The following ERCC5 variants were observed in gnomAD, a reference collection of about 807,000 sequenced individuals.
The protein encoded by ERCC5 is DNA excision repair protein ERCC-5.
A neutral mutation model predicts 105.6 loss-of-function variants in ERCC5; 68 were observed. The ratio of observed to expected loss-of-function variants is 0.64; its 90% CI spans 0.53 to 0.79. The LOEUF is 0.79. Ranked by LOEUF, ERCC5 falls within the 30% of genes least tolerant of loss-of-function variation. The probability of loss-of-function intolerance (pLI) is 0.00; values close to 1 mark genes in which losing one functional copy is unlikely to be tolerated. For missense variants in ERCC5, 1,373 were observed against 1,426.7 expected, an observed-to-expected ratio of 0.96 and a Z score of 0.61; for synonymous variants, 546 against 526.2, an observed-to-expected ratio of 1.04 and a Z score of -0.51.
chr13:102,861,919 G>T (rs1158429040), intron 7 of ERCC5, 111 bp from the exon 8 acceptor site: 2 of 1,477,446 alleles, frequency 1.4e-6, no homozygotes, highest in African/African-American at 1.4e-5. Context: ...CCGATTAAAT[G>T]AAAATGTATA....
chr13:102,850,221 C>T (rs1882154812), intron 1 of ERCC5, among the ~76,000 whole-genome samples: 1 of 152,200 alleles, frequency 6.6e-6, no homozygotes, highest in Non-Finnish European at 1.5e-5. Context: ...CTACCGCACT[C>T]GGCCTCAATA....
chr13:102,871,506 A>G (rs1158695161), intron 12 of ERCC5, among the ~76,000 whole-genome samples: 1 of 152,192 alleles, frequency 6.6e-6, no homozygotes, highest in Non-Finnish European at 1.5e-5. Context: ...TATTTTAAGT[A>G]TCTGTTTACT....
chr13:102,854,389 A>G lies in ERCC5; in HGVS notation c.467+15A>G, dbSNP rs748042541. The stretch of plus-strand genomic sequence containing the variant: ...GAAAAACACAGGTAAATGTTTAACT[A>G]TTTAAGAATATTATTTTAGTCATTG... On this transcript the variant is annotated intron_variant, in intron 4 of 14. Transcript: ENST00000652225. The G allele has an allele frequency of 1.9e-6, 3 of 1,610,398 alleles. No homozygotes were observed. Among genetic ancestry groups the G allele is most frequent in the East Asian group, 2.2e-5 (1 of 44,848 alleles).
At chr13:102,847,389 T>C (rs1386957793) in intron 1 of ERCC5, among the ~76,000 whole-genome samples, 1 of 151,386 alleles carries the variant, frequency 6.6e-6, no homozygotes, top group African/African-American at 2.4e-5. Flanking sequence ...GTCTAGGGGC[T>C]CGTGGGCTTG....
intron 1 of ERCC5, among the ~76,000 whole-genome samples, chr13:102,849,763 T>C (rs1882127943): frequency 6.6e-6 from 1 of 152,096 alleles, no homozygotes; most frequent in South Asian, 2.1e-4. Flanking sequence ...GATTATAAAC[T>C]CCATAGGGCC....
intron 8 of ERCC5, 151 bp downstream of exon 8, chr13:102,863,254 C>G: frequency 1.1e-6 from 1 of 918,230 alleles, no homozygotes. Context: ...CCCAGGGAGT[C>G]ACAGCTGGTC....
At position 102,858,321 on chromosome 13, in the gene ERCC5, A is replaced by T; in HGVS notation, c.575A>T (p.Asp192Val). Residue 192 changes from aspartate to valine, a missense_variant, in exon 6 of 15, where the codon GAC becomes GTC. Around this residue, in one of 3 missense-constraint regions of ERCC5, gnomAD observed 1,004 missense variants for 1,059.7 expected, o/e 0.95. Coordinates refer to ENST00000652225, the MANE Select transcript of ERCC5 (RefSeq NM_000123.4). The part of the protein sequence containing the change: ...NPQAIDIESE[D>V]FSSLPPEVKH... ...CAAGCGATAGATATTGAGTCTGAGG[A>T]CTTCAGCAGCCTGCCCCCTGAAGTA... 7 of 1,614,144 alleles carry T rather than the reference A, an allele frequency of 4.3e-6. No homozygotes were observed. The highest frequency in any genetic ancestry group is 4.2e-6 in the Non-Finnish European group (5 of 1,180,014).
At chr13:102,858,552 A>C in intron 6 of ERCC5, 134 bp downstream of exon 6, 144 of 1,252,330 alleles carry the variant, frequency 1.1e-4, no homozygotes, top group Non-Finnish European at 1.5e-4. Flanking sequence ...TCTACATCTC[A>C]GATTCTAAGA....
rs779363775 is a variant in ERCC5, at chr13:102,861,651, C to T, written c.817C>T (p.Leu273=). 5 of 1,613,996 alleles carry T rather than the reference C, an allele frequency of 3.1e-6. No individual in the cohort carries two copies. In the East Asian group the frequency reaches 1.1e-4, roughly 36 times the overall value. ...RRQYEDEGGF[L]KEVESRRVVS... ...GCAGTATGAAGATGAAGGGGGCTTT[C>T]TGAAGGAGGTAGAGTCAAGGAGAGT... is the stretch of plus-strand genomic sequence containing the variant. The change falls in exon 7 of 15, where the codon CTG becomes TTG. Residue 273 remains leucine (L), a synonymous_variant. Transcript: ENST00000652225.
At chr13:102,860,393 C>T (rs539560453) in intron 6 of ERCC5, among the ~76,000 whole-genome samples, 10 of 152,178 alleles carry the variant, frequency 6.6e-5, no homozygotes, top group Admixed American at 1.3e-4. Flanking sequence ...ATGACCTCAG[C>T]GTGTGATAAG....
intron 6 of ERCC5, among the ~76,000 whole-genome samples, chr13:102,860,014 T>G (rs1882563355): frequency 6.6e-6 from 1 of 152,218 alleles, no homozygotes; most frequent in Non-Finnish European, 1.5e-5. Context: ...ACGTGAATCC[T>G]CCCTTTGTCT....
chr13:102,858,084 G>T (rs968051587), intron 5 of ERCC5, among the ~76,000 whole-genome samples, 191 bp from the exon 6 acceptor site: 1 of 152,194 alleles, frequency 6.6e-6, no homozygotes, highest in Non-Finnish European at 1.5e-5. Context: ...GAATTAAAGA[G>T]TGAATGGCTA....
intron 1 of ERCC5, among the ~76,000 whole-genome samples, chr13:102,848,672 G>C (rs1465664790): frequency 2.0e-5 from 3 of 152,008 alleles, no homozygotes; most frequent in Non-Finnish European, 4.4e-5. Flanking sequence ...TAACTTTTCT[G>C]TCCGCAGAAA....
chr13:102,849,101 C>T (rs1882093994), intron 1 of ERCC5: 1 of 517,826 alleles, frequency 1.9e-6, no homozygotes, highest in Admixed American at 1.9e-5. Context: ...TAATAGTGAG[C>T]TTCATGGCTT....
At chr13:102,852,373 T>C in intron 2 of ERCC5, 80 bp downstream of exon 2, 1 of 1,550,546 alleles carries the variant, frequency 6.4e-7, no homozygotes, top group East Asian at 2.3e-5. Flanking sequence ...ATAAAATTTT[T>C]GTTTTCTCTT....
rs1393977944 is a variant in ERCC5 at position 102,854,305 on chromosome 13, G to T, written c.398G>T (p.Ser133Ile). ...FRSKRDEALP[S>I]LTQVRRENDL... ...CTTTCCAGAGATGAAGCACTACCCAGTCTTACCCAAGTTCGAAGAGAAAAC... is the reference window on the plus strand; with the variant it reads ...CTTTCCAGAGATGAAGCACTACCCATTCTTACCCAAGTTCGAAGAGAAAAC... The change falls in exon 4 of 15, where the codon AGT becomes ATT. Residue 133 changes from serine (S) to isoleucine (I), a missense_variant. By Grantham distance (142) the Ser-to-Ile change is moderately radical. This residue lies in a region of ERCC5 where 1,004 missense variants were observed against 1,059.7 expected (regional missense o/e 0.95). Coordinates refer to ENST00000652225, the MANE Select transcript of ERCC5 (RefSeq NM_000123.4). The T allele has an allele frequency of 1.2e-6, 2 of 1,614,000 alleles. No homozygotes were observed. Among genetic ancestry groups the T allele is most frequent in the Non-Finnish European group, 1.7e-6 (2 of 1,180,028 alleles).
intron 11 of ERCC5, among the ~76,000 whole-genome samples, chr13:102,867,700 G>T (rs1020621611): frequency 3.9e-5 from 6 of 152,224 alleles, no homozygotes; most frequent in African/African-American, 1.4e-4. Flanking sequence ...CAGATACTGA[G>T]CAGCTGGTCG....
At chr13:102,849,069 T>G (rs1192188036) in intron 1 of ERCC5, 1 of 493,930 alleles carries the variant, frequency 2.0e-6, no homozygotes, top group Non-Finnish European at 4.0e-6. Context: ...GTGGGCCAAG[T>G]AGAAACTAAT....
Position 102,866,342 on chromosome 13 carries a change from C to T in ERCC5, c.2280C>T (p.Ile760=), listed in dbSNP as rs773823921. Residue 760 remains isoleucine, a synonymous_variant, in exon 10 of 15, where the codon ATC becomes ATT. Coordinates refer to ENST00000652225, the MANE Select transcript of ERCC5 (RefSeq NM_000123.4). The stretch of plus-strand genomic sequence containing the variant: ...CTCAAAAACAGCAGCAAGAACGGAT[C>T]GCTGCTACTGTCACCGGACAGATGT... ...LKAQKQQQER[I]AATVTGQMFL... 6.3e-5 allele frequency: 101 copies of T among 1,614,050 alleles called. No homozygotes were observed. Among genetic ancestry groups the T allele is most frequent in the Middle Eastern group, 1.6e-4 (1 of 6,080 alleles).
Sources: allele counts gnomAD v4.1 joint callset (sites outside exome capture counted in the v4.1 genomes callset), GRCh38; gene constraint gnomAD v4.1.1; regional missense constraint gnomAD v4.1.1; transcripts MANE v1.5; gene names NCBI Gene and HGNC (gene_info 2026-07-23, HGNC 2026-07-21).